Variants in TNRC18 observed in about 807,000 individuals in gnomAD.
TNRC18 encodes trinucleotide repeat-containing gene 18 protein.
In TNRC18, 69 loss-of-function variants were observed where a neutral mutation model predicts 226.7. That is an observed-to-expected ratio of 0.30 (90% CI 0.25 to 0.37). TNRC18 has a LOEUF of 0.37. Among genes scored for constraint, TNRC18 ranks in the 10% least tolerant of loss-of-function variants. TNRC18 has a pLI of 1.00. For missense variants in TNRC18, 4,754 were observed against 4,256.6 expected, an observed-to-expected ratio of 1.12 and a Z score of -3.25; for synonymous variants, 2,449 against 1,927.6, an observed-to-expected ratio of 1.27 and a Z score of -7.09.
At position 5,387,719 on chromosome 7, in the gene TNRC18, G is replaced by T; in HGVS notation, c.2105C>A (p.Pro702His). The change falls in exon 5 of 30, where the codon CCT becomes CAT. Residue 702 changes from proline (P) to histidine (H), a missense_variant. Transcript: ENST00000430969. ...AGAGCGCTCCTGGTCTACCAGCCCA[G>T]GCCCCAGCCGGCCACTGCCGCCACT... The part of the protein sequence containing the change: ...KDSGGSGRLG[P>H]GLVDQERSLS... 6.2e-7 allele frequency: 1 copy of T among 1,605,908 alleles called. No homozygotes were observed. The highest frequency in any genetic ancestry group is 8.5e-7 in the Non-Finnish European group (1 of 1,179,846).
intron 5 of TNRC18, among the ~76,000 whole-genome samples, chr7:5,378,794 G>GA (rs951152704): frequency 2.0e-5 from 3 of 151,650 alleles, no homozygotes; most frequent in African/African-American, 7.3e-5. Flanking sequence ...TCCAAATGGA[G>GA]AAAAAAAACA....
chr7:5,338,776 C>G (rs1583826847), intron 18 of TNRC18, among the ~76,000 whole-genome samples: 1 of 151,348 alleles, frequency 6.6e-6, no homozygotes, highest in East Asian at 1.9e-4. Context: ...CAAAATTAGC[C>G]AGGCATGGAG....
chr7:5,402,654 G>C (rs1370172661), intron 2 of TNRC18, among the ~76,000 whole-genome samples: 1 of 152,118 alleles, frequency 6.6e-6, no homozygotes, highest in Non-Finnish European at 1.5e-5. Context: ...AAGAGTTCAA[G>C]ACCAGCCTGG....
Position 5,306,872 on chromosome 7 carries a change from A to G in TNRC18, c.*1234T>C, listed in dbSNP as rs1786561165. The stretch of plus-strand genomic sequence containing the variant: ...TTGCCAACAAACAAAATTCCAAAAG[A>G]AACATAAAAAAAAAAACCAATAATT... On this transcript the variant is annotated 3_prime_UTR_variant, in exon 30 of 30. Transcript: ENST00000430969. 1 of 91,454 alleles carries G rather than the reference A, an allele frequency of 1.1e-5. No homozygotes were observed. The highest frequency in any genetic ancestry group is 6.1e-5 in the African/African-American group (1 of 16,278). 5.7% of individuals were successfully genotyped at this position (91,454 alleles called of 1,614,324 possible).
intron 11 of TNRC18, among the ~76,000 whole-genome samples, 179 bp from the exon 12 acceptor site, chr7:5,363,004 G>T (rs534761218): frequency 6.6e-6 from 1 of 152,206 alleles, no homozygotes; most frequent in African/African-American, 2.4e-5. Context: ...AAACAAGAAC[G>T]GGGAGAAGGC....
At chr7:5,362,068 G>C (rs1401634982) in intron 12 of TNRC18, 35 bp from the exon 13 acceptor site, 4 of 1,605,494 alleles carry the variant, frequency 2.5e-6, no homozygotes, top group South Asian at 2.2e-5. Context: ...GAGGGGGTGA[G>C]GATGCCACTG....
intron 3 of TNRC18, among the ~76,000 whole-genome samples, chr7:5,391,380 C>G (rs374299454): frequency 1.3e-5 from 2 of 151,760 alleles, no homozygotes; most frequent in African/African-American, 4.8e-5. Context: ...GGCAGGATCT[C>G]GGTTCACTGC....
intron 18 of TNRC18, among the ~76,000 whole-genome samples, chr7:5,335,004 T>A (rs1042997313): frequency 6.6e-6 from 1 of 151,816 alleles, no homozygotes; most frequent in Non-Finnish European, 1.5e-5. Flanking sequence ...CAGAAGAGAA[T>A]AGAAAGCGAG....
At chr7:5,384,370 G>C (rs1012041556) in intron 5 of TNRC18, among the ~76,000 whole-genome samples, 23 of 152,150 alleles carry the variant, frequency 1.5e-4, no homozygotes, top group African/African-American at 5.5e-4. Context: ...CGAAGTGCTG[G>C]GATTACAGGC....
rs186330786 is a variant in TNRC18, at chr7:5,352,233, C to G, written c.5195-139G>C. ...TCCGAATACCTAGTAGGCGGCCGTACAAAGGCCTTGCCCCATGTCACCAGC... is the reference window on the plus strand; with the variant it reads ...TCCGAATACCTAGTAGGCGGCCGTAGAAAGGCCTTGCCCCATGTCACCAGC... On this transcript the variant is annotated intron_variant, in intron 16 of 29. Coordinates refer to ENST00000430969, the MANE Select transcript of TNRC18 (RefSeq NM_001080495.3). 15 of 890,886 alleles carry G rather than the reference C, an allele frequency of 1.7e-5. No homozygotes were observed. The African/African-American group carries it at 2.5e-4, about 15-fold the overall frequency. The allele number at this position is 890,886 out of a possible 1,614,324, so 55.2% of individuals were successfully genotyped here.
intron 9 of TNRC18, among the ~76,000 whole-genome samples, chr7:5,375,250 A>G (rs1007584533): frequency 2.6e-5 from 4 of 152,222 alleles, no homozygotes; most frequent in Non-Finnish European, 5.9e-5. Context: ...CGGAGGTTGC[A>G]GTGACCCGAG....
intron 16 of TNRC18, 80 bp downstream of exon 16, chr7:5,356,836 G>A: frequency 3.5e-6 from 5 of 1,440,828 alleles, no homozygotes; most frequent in Non-Finnish European, 4.6e-6. Context: ...GGGGCGGGGG[G>A]GGAAGGAGGA....
chr7:5,340,252 T>C (rs1440481456), intron 18 of TNRC18, among the ~76,000 whole-genome samples: 1 of 152,212 alleles, frequency 6.6e-6, no homozygotes, highest in Non-Finnish European at 1.5e-5. Context: ...AACAGGTTCA[T>C]TGCTGACATA....
chr7:5,330,828 C>T (rs1231186169), intron 19 of TNRC18, among the ~76,000 whole-genome samples: 1 of 152,152 alleles, frequency 6.6e-6, no homozygotes, highest in African/African-American at 2.4e-5. Context: ...CACCCGCCAC[C>T]ATGCCTGGCT....
intron 14 of TNRC18, among the ~76,000 whole-genome samples, chr7:5,359,966 C>T (rs1333461326): frequency 6.6e-6 from 1 of 151,948 alleles, no homozygotes; most frequent in Non-Finnish European, 1.5e-5. Context: ...AAGAAGGATT[C>T]CAGTCTCTCT....
At chr7:5,383,896 T>A (rs1390917557) in intron 5 of TNRC18, among the ~76,000 whole-genome samples, 1 of 150,396 alleles carries the variant, frequency 6.6e-6, no homozygotes, top group Non-Finnish European at 1.5e-5. Context: ...GGGCTCAAAC[T>A]ATCCTCCCAC....
chr7:5,403,511 C>T (rs188431765), intron 2 of TNRC18, among the ~76,000 whole-genome samples: 21 of 152,260 alleles, frequency 1.4e-4, no homozygotes, highest in African/African-American at 4.8e-4. Context: ...GCATCCCAGA[C>T]TGCGGTGTGG....
In TNRC18 at chr7:5,313,211, G is replaced by A. The variant is rs1562478620; in HGVS notation, c.7680C>T (p.Ser2560=). 2 of 1,548,300 alleles carry A rather than the reference G, an allele frequency of 1.3e-6. No individual in the cohort carries two copies. Among genetic ancestry groups the A allele is most frequent in the Admixed American group, 2.0e-5 (1 of 50,912 alleles). ...TACTGCTGCCACTACTGCTGCTGCT[G>A]CTGCTCTCGGACTCTTCGGCCCCGT... is the stretch of plus-strand genomic sequence containing the variant. The part of the protein sequence containing the change: ...EQDGAEESES[S]SSSSSGSSSS... The change falls in exon 27 of 30, where the codon AGC becomes AGT. Residue 2560 remains serine, a synonymous_variant. Transcript: ENST00000430969.
Position 5,377,598 on chromosome 7 carries a change from T to A in TNRC18, c.2256-22A>T, listed in dbSNP as rs1230737286. On this transcript the variant is annotated intron_variant, in intron 6 of 29. Coordinates refer to ENST00000430969, the MANE Select transcript of TNRC18 (RefSeq NM_001080495.3). The surrounding 1 kb of genome is among the most constrained non-coding windows in gnomAD (Gnocchi z 5.8). Reference sequence around the variant, plus strand: ...CTCTCTGGAAGGAGGATCATAGGTGTCAGCGACAGCTCGGACAGCCCAGGG... The same window carrying A: ...CTCTCTGGAAGGAGGATCATAGGTGACAGCGACAGCTCGGACAGCCCAGGG... 1.8e-5 allele frequency: 28 copies of A among 1,556,062 alleles called. No homozygotes were observed. Among genetic ancestry groups the A allele is most frequent in the Non-Finnish European group, 2.4e-5 (27 of 1,148,344 alleles).
Sources: allele counts gnomAD v4.1 joint callset (sites outside exome capture counted in the v4.1 genomes callset), GRCh38; gene constraint gnomAD v4.1.1; non-coding constraint Gnocchi (gnomAD v3.1); transcripts MANE v1.5; gene names NCBI Gene and HGNC (gene_info 2026-07-23, HGNC 2026-07-21).